The following SLC39A11 variants were observed in gnomAD, a reference collection of about 807,000 sequenced individuals.
SLC39A11 encodes solute carrier family 39 member 11.
SLC39A11 carries 33 observed loss-of-function variants against 36.1 expected under a neutral mutation model. The observed-to-expected ratio is 0.91, with a 90% CI of 0.69 to 1.22. The LOEUF (loss-of-function observed/expected upper bound fraction) is 1.22, where lower values mean the gene tolerates loss of function less well. SLC39A11 is among the 50% of genes most tolerant of loss of function. The pLI, the probability that SLC39A11 is intolerant of heterozygous loss-of-function variation, is 0.00. For missense variants in SLC39A11, 432 were observed against 430.3 expected (o/e 1.00, Z -0.03); for synonymous variants, 166 against 170.3 (o/e 0.97, Z 0.20).
At chr17:72,837,108 A>C (rs1262965051) in intron 6 of SLC39A11, among the ~76,000 whole-genome samples, 1 of 152,130 alleles carries the variant, frequency 6.6e-6, no homozygotes, top group Non-Finnish European at 1.5e-5. Context: ...AGACTGCACA[A>C]GGGCAAGCTG....
At chr17:72,913,958 C>A (rs947422802) in intron 5 of SLC39A11, among the ~76,000 whole-genome samples, 1 of 151,864 alleles carries the variant, frequency 6.6e-6, no homozygotes, top group South Asian at 2.1e-4. Context: ...ATACAGTTGG[C>A]CCTCTGAGTC....
chr17:73,018,318 G>A (rs893372141), intron 4 of SLC39A11, among the ~76,000 whole-genome samples: 4 of 152,140 alleles, frequency 2.6e-5, no homozygotes, highest in African/African-American at 9.7e-5. Context: ...CGAGGCCAAG[G>A]TGGGAAGATT....
chr17:72,747,840 G>T (rs2075002061), intron 6 of SLC39A11, among the ~76,000 whole-genome samples: 1 of 152,170 alleles, frequency 6.6e-6, no homozygotes, highest in Non-Finnish European at 1.5e-5. Context: ...TTATTGCCAA[G>T]GAATCCCTGT....
chr17:72,796,523 C>A (rs1403346585), intron 6 of SLC39A11, among the ~76,000 whole-genome samples: 2 of 152,112 alleles, frequency 1.3e-5, no homozygotes, highest in East Asian at 3.8e-4. Context: ...CCTGCAGGCA[C>A]AGCCCAGGGC....
intron 5 of SLC39A11, among the ~76,000 whole-genome samples, chr17:72,889,497 A>G (rs1368649722): frequency 1.5e-5 from 2 of 133,830 alleles, no homozygotes; most frequent in African/African-American, 5.5e-5. Flanking sequence ...AGATCGTGCC[A>G]CTGCACTCCA....
At chr17:72,895,625 AC>A (rs991388846) in intron 5 of SLC39A11, among the ~76,000 whole-genome samples, 9 of 151,972 alleles carry the variant, frequency 5.9e-5, no homozygotes, top group African/African-American at 2.2e-4. Context: ...GACCCTCTAA[AC>A]ATGCTGTTTA....
At chr17:73,044,140 T>C (rs932098156) in intron 3 of SLC39A11, among the ~76,000 whole-genome samples, 8 of 151,940 alleles carry the variant, frequency 5.3e-5, no homozygotes, top group Non-Finnish European at 8.8e-5. Context: ...AAAAGTACTT[T>C]TGCTTAAATA....
intron 4 of SLC39A11, among the ~76,000 whole-genome samples, chr17:72,994,441 T>G (rs1029336017): frequency 7.2e-5 from 11 of 152,108 alleles, no homozygotes; most frequent in African/African-American, 2.7e-4. Flanking sequence ...GTCAGAATAG[T>G]GGTGACTTAG....
intron 3 of SLC39A11, among the ~76,000 whole-genome samples, chr17:73,082,437 T>C (rs1391230193): frequency 2.6e-5 from 4 of 152,180 alleles, no homozygotes; most frequent in African/African-American, 4.8e-5. Flanking sequence ...ATTACTAGAA[T>C]AAGACAGAGT....
At chr17:72,985,889 C>G (rs945280526) in intron 4 of SLC39A11, among the ~76,000 whole-genome samples, 15 of 152,070 alleles carry the variant, frequency 9.9e-5, no homozygotes, top group African/African-American at 3.6e-4. Context: ...AGGGCAGGTC[C>G]CAATTCAATA....
chr17:72,980,229 A>T (rs1175596363), intron 4 of SLC39A11, among the ~76,000 whole-genome samples: 3 of 152,190 alleles, frequency 2.0e-5, no homozygotes. Context: ...GCTCAAGACA[A>T]AATCAATAGC....
At chr17:72,654,389 G>C (rs1329958645) in intron 7 of SLC39A11, among the ~76,000 whole-genome samples, 1 of 152,192 alleles carries the variant, frequency 6.6e-6, no homozygotes, top group Non-Finnish European at 1.5e-5. Flanking sequence ...ACCAGCCCTG[G>C]GCAGAAATGC....
At chr17:73,012,504 G>T (rs927088983) in intron 4 of SLC39A11, among the ~76,000 whole-genome samples, 9 of 151,564 alleles carry the variant, frequency 5.9e-5, no homozygotes, top group African/African-American at 2.2e-4. Context: ...AACTGTTTCT[G>T]CAAAGGGTCA....
intron 6 of SLC39A11, among the ~76,000 whole-genome samples, chr17:72,786,943 C>T (rs2076536307): frequency 6.6e-6 from 1 of 150,828 alleles, no homozygotes; most frequent in African/African-American, 2.4e-5. Context: ...CCTCAGCCTC[C>T]CAGGTAGCTG....
chr17:72,736,327 G>T (rs146281756), intron 7 of SLC39A11, among the ~76,000 whole-genome samples: 1 of 152,216 alleles, frequency 6.6e-6, no homozygotes, highest in Non-Finnish European at 1.5e-5. Context: ...GGAAAGGCCT[G>T]AAGAGTGTCA....
chr17:73,033,299 A>T (rs2143071021), intron 3 of SLC39A11, among the ~76,000 whole-genome samples: 1 of 152,364 alleles, frequency 6.6e-6, no homozygotes, highest in East Asian at 1.9e-4. Context: ...TGCCATAGGC[A>T]GTAAGTAGCA....
intron 7 of SLC39A11, among the ~76,000 whole-genome samples, chr17:72,735,839 C>T (rs536150672): frequency 5.7e-4 from 87 of 152,276 alleles, no homozygotes; most frequent in Non-Finnish European, 1.1e-3. Flanking sequence ...AAGGCTGTGA[C>T]CTTACCTATG....
At chr17:72,969,011 A>T (rs189112547) in intron 4 of SLC39A11, among the ~76,000 whole-genome samples, 2 of 152,012 alleles carry the variant, frequency 1.3e-5, no homozygotes, top group East Asian at 3.9e-4. Context: ...AGCCAATGCC[A>T]TCAAAGGACA....
At chr17:73,059,947 C>A (rs1199667511) in intron 3 of SLC39A11, among the ~76,000 whole-genome samples, 1 of 151,826 alleles carries the variant, frequency 6.6e-6, no homozygotes, top group East Asian at 1.9e-4. Flanking sequence ...TGGTGACTCA[C>A]CCCTGTAATC....
Sources: gnomAD v4.1 joint callset for allele counts (sites outside exome capture counted in the v4.1 genomes callset) on GRCh38, gnomAD v4.1.1 for gene constraint, MANE v1.5 for transcripts, NCBI Gene and HGNC (gene_info 2026-07-23, HGNC 2026-07-21) for gene names.